Variants in HTR1F observed in about 807,000 individuals in gnomAD.
HTR1F encodes the protein 5-hydroxytryptamine (serotonin) receptor 1F, G protein-coupled.
A neutral mutation model predicts 24.0 loss-of-function variants in HTR1F; 17 were observed. The ratio of observed to expected loss-of-function variants is 0.71; its 90% CI spans 0.48 to 1.06. The LOEUF (loss-of-function observed/expected upper bound fraction) is 1.06. Ranked by LOEUF, HTR1F falls within the 50% of genes least tolerant of loss-of-function variation. The pLI, the probability that HTR1F is intolerant of heterozygous loss-of-function variation, is 0.00. For missense variants in HTR1F, 391 were observed against 427.8 expected (o/e 0.91, Z 0.76); for synonymous variants, 186 against 156.8 (o/e 1.19, Z -1.39).
chr3:87,960,536 A>AT (rs1705038358), intron 2 of HTR1F, among the ~76,000 whole-genome samples: 2 of 151,982 alleles, frequency 1.3e-5, no homozygotes, highest in Non-Finnish European at 2.9e-5. Context: ...CAGTTGTGCT[A>AT]TTTTAACTGA....
In HTR1F at chr3:87,849,031, C is replaced by T. The variant is rs551540644; in HGVS notation, c.-43+26907C>T. Among the ~76,000 whole-genome samples, 143 of 151,476 alleles carry T rather than the reference C, an allele frequency of 9.4e-4. 2 individuals carry two copies. The Middle Eastern group carries it at 0.014, about 14-fold the overall frequency. On this transcript the variant is annotated intron_variant, in intron 2 of 2. Transcript: ENST00000319595. ...CAATACCGTGAAAATGGCCATACTG[C>T]CCAAGGTAATTTACAGATTCACTAC...
At chr3:87,839,607 TG>T (rs901980885) in intron 2 of HTR1F, among the ~76,000 whole-genome samples, 9 of 152,254 alleles carry the variant, frequency 5.9e-5, no homozygotes, top group South Asian at 2.1e-4. Context: ...ATTTTTTGTT[TG>T]TTTTTTTTCA....
At chr3:87,989,078 TCCTTTCCTAAAATATTAGTAACTA>T (rs1705745224) in intron 2 of HTR1F, among the ~76,000 whole-genome samples, 1 of 152,174 alleles carries the variant, frequency 6.6e-6, no homozygotes, top group Non-Finnish European at 1.5e-5. Flanking sequence ...CTCCATATTG[TCCTTTCCTAAAATATTAGTAACTA>T]CTAAAAAGTT....
intron 2 of HTR1F, among the ~76,000 whole-genome samples, chr3:87,980,776 G>A (rs745667773): frequency 5.9e-5 from 9 of 152,192 alleles, no homozygotes; most frequent in East Asian, 1.9e-4. Context: ...ATGCCAAGGC[G>A]GCAGGGGGCT....
At chr3:87,928,345 C>T (rs189820498) in intron 2 of HTR1F, among the ~76,000 whole-genome samples, 2 of 151,988 alleles carry the variant, frequency 1.3e-5, no homozygotes, top group Non-Finnish European at 2.9e-5. Flanking sequence ...ACGCTAGGCC[C>T]TTAATTTACT....
Position 87,850,396 on chromosome 3 carries a change from G to A in HTR1F, c.-43+28272G>A, listed in dbSNP as rs145216295. 4.5e-4 allele frequency among the ~76,000 whole-genome samples: 68 copies of A among 151,894 alleles called. No individual in the cohort carries two copies. In the South Asian group the frequency reaches 5.0e-3, roughly 11 times the overall value. On this transcript the variant is annotated intron_variant, in intron 2 of 2. Transcript: ENST00000319595. ...CACTGCATGTTCTCACTCATAGGTC[G>A]GAATTGAACAATGAGAACACATGAA...
chr3:87,900,715 A>G (rs762419500), intron 2 of HTR1F, among the ~76,000 whole-genome samples: 3 of 152,202 alleles, frequency 2.0e-5, no homozygotes, highest in Non-Finnish European at 4.4e-5. Flanking sequence ...TTAAATACAT[A>G]AGGCAAAAGA....
chr3:87,929,890 C>A (rs1704219294), intron 2 of HTR1F, among the ~76,000 whole-genome samples: 1 of 152,132 alleles, frequency 6.6e-6, no homozygotes, highest in Non-Finnish European at 1.5e-5. Context: ...TTGCTTTGAG[C>A]AGTATGGCCA....
intron 1 of HTR1F, among the ~76,000 whole-genome samples, chr3:87,812,084 T>C (rs980450788): frequency 1.3e-5 from 2 of 152,148 alleles, no homozygotes. Flanking sequence ...ACCTATAAAT[T>C]ACCCAGTCTT....
intron 2 of HTR1F, among the ~76,000 whole-genome samples, chr3:87,838,086 G>A (rs1019353546): frequency 2.0e-5 from 3 of 151,902 alleles, no homozygotes; most frequent in Non-Finnish European, 4.4e-5. Context: ...AACCAGAGTC[G>A]AATTTCAATA....
At chr3:87,928,392 A>C (rs1704179876) in intron 2 of HTR1F, among the ~76,000 whole-genome samples, 1 of 152,200 alleles carries the variant, frequency 6.6e-6, no homozygotes. Flanking sequence ...AAATTTGTGA[A>C]TTGAACATTT....
chr3:87,854,140 A>G (rs1705150536), intron 2 of HTR1F, among the ~76,000 whole-genome samples: 1 of 151,944 alleles, frequency 6.6e-6, no homozygotes, highest in South Asian at 2.1e-4. Flanking sequence ...TTCTATTTTT[A>G]CAGAAAATTA....
chr3:87,820,096 C>G (rs1461474848), intron 1 of HTR1F, among the ~76,000 whole-genome samples: 3 of 151,584 alleles, frequency 2.0e-5, no homozygotes, highest in Non-Finnish European at 4.4e-5. Flanking sequence ...AAGTCTAAAT[C>G]CTAAAACATG....
At chr3:87,870,128 G>C (rs1333626241) in intron 2 of HTR1F, among the ~76,000 whole-genome samples, 1 of 151,998 alleles carries the variant, frequency 6.6e-6, no homozygotes, top group Non-Finnish European at 1.5e-5. Context: ...CTATGTAACA[G>C]GTATTGTACA....
chr3:87,849,980 A>C (rs1250190912), intron 2 of HTR1F, among the ~76,000 whole-genome samples: 1 of 151,960 alleles, frequency 6.6e-6, no homozygotes, highest in Non-Finnish European at 1.5e-5. Context: ...GAGGATGTGG[A>C]GAAATAAGAA....
At chr3:87,872,615 C>T (rs1362644479) in intron 2 of HTR1F, among the ~76,000 whole-genome samples, 1 of 151,858 alleles carries the variant, frequency 6.6e-6, no homozygotes, top group East Asian at 1.9e-4. Context: ...GGAGACACTA[C>T]AGCTAATGCC....
chr3:87,984,983 T>C (rs528623663), intron 2 of HTR1F, among the ~76,000 whole-genome samples: 1 of 152,308 alleles, frequency 6.6e-6, no homozygotes, highest in South Asian at 2.1e-4. Flanking sequence ...TATTGGATAT[T>C]TGCTTACACT....
chr3:87,795,877 G>A (rs545185364), intron 1 of HTR1F, among the ~76,000 whole-genome samples: 1 of 151,994 alleles, frequency 6.6e-6, no homozygotes, highest in Admixed American at 6.5e-5. Context: ...ACATCAATGA[G>A]TATGAAAAAG....
At chr3:87,829,991 A>G (rs139035013) in intron 2 of HTR1F, among the ~76,000 whole-genome samples, 3 of 152,324 alleles carry the variant, frequency 2.0e-5, no homozygotes, top group Admixed American at 2.0e-4. Context: ...AGTGTGATGT[A>G]TACAATAGTA....
Sources: gnomAD v4.1 joint callset for allele counts (sites outside exome capture counted in the v4.1 genomes callset) on GRCh38, gnomAD v4.1.1 for gene constraint, MANE v1.5 for transcripts, NCBI Gene and HGNC (gene_info 2026-07-23, HGNC 2026-07-21) for gene names.